The following FSTL4 variants were observed in gnomAD, a reference collection of about 807,000 sequenced individuals.
FSTL4 encodes the protein follistatin like 4, also known as follistatin-related protein 4.
FSTL4 carries 28 observed loss-of-function variants against 78.2 expected under a neutral mutation model. The ratio of observed to expected loss-of-function variants is 0.36; its 90% CI spans 0.27 to 0.49. FSTL4 has a LOEUF of 0.49. FSTL4 is among the 20% of genes least tolerant of loss of function. The pLI, the probability that FSTL4 is intolerant of heterozygous loss-of-function variation, is 0.98. For missense variants in FSTL4, 922 were observed against 1,084.9 expected (o/e 0.85, Z 2.11); for synonymous variants, 422 against 440.5 (o/e 0.96, Z 0.53).
At chr5:133,352,331 C>CATAT (rs143228488) in intron 4 of FSTL4, among the ~76,000 whole-genome samples, 10 of 100,722 alleles carry the variant, frequency 9.9e-5, no homozygotes, top group South Asian at 3.2e-4. Context: ...TATATACACA[C>CATAT]ATATATATAT....
At chr5:133,321,116 C>T (rs1408872975) in intron 4 of FSTL4, among the ~76,000 whole-genome samples, 1 of 152,106 alleles carries the variant, frequency 6.6e-6, no homozygotes, top group Non-Finnish European at 1.5e-5. Context: ...ACCTGCCCAG[C>T]AATTCCACAC....
At chr5:133,549,398 G>T (rs1759648450) in intron 3 of FSTL4, among the ~76,000 whole-genome samples, 1 of 151,966 alleles carries the variant, frequency 6.6e-6, no homozygotes, top group Non-Finnish European at 1.5e-5. Flanking sequence ...TTAATTTCTA[G>T]AAATTCTATT....
intron 3 of FSTL4, among the ~76,000 whole-genome samples, chr5:133,468,827 G>C (rs540917618): frequency 1.8e-4 from 28 of 152,146 alleles, no homozygotes; most frequent in Non-Finnish European, 3.1e-4. Context: ...GAAACAGACG[G>C]CTACCCAACC....
chr5:133,486,573 T>C (rs996444596), intron 3 of FSTL4, among the ~76,000 whole-genome samples: 3 of 152,182 alleles, frequency 2.0e-5, no homozygotes, highest in Non-Finnish European at 4.4e-5. Flanking sequence ...TGTTTCCCTA[T>C]GAAAAATCCA....
rs879413325 is a variant in FSTL4 at position 133,426,003 on chromosome 5, C to G, written c.161-25017G>C. ...AGTCTTCCTGTCTAAGTGCTGGGGA[C>G]CCCCCCTGAGCAAGACCCTTCTCTC... is the stretch of plus-strand genomic sequence containing the variant. On this transcript the variant is annotated intron_variant, in intron 3 of 15. Coordinates refer to ENST00000265342, the MANE Select transcript of FSTL4 (RefSeq NM_015082.2). The surrounding 1 kb of genome is among the most constrained non-coding windows in gnomAD (Gnocchi z 5.0). Among the ~76,000 whole-genome samples, 1 of 151,238 alleles carries G rather than the reference C, an allele frequency of 6.6e-6. No homozygotes were observed. Among genetic ancestry groups the G allele is most frequent in the Admixed American group, 6.6e-5 (1 of 15,252 alleles).
the FSTL4 span, among the ~76,000 whole-genome samples, chr5:133,724,974 C>T: frequency 6.6e-6 from 1 of 152,178 alleles, no homozygotes; most frequent in East Asian, 1.9e-4. Context: ...AAAAGACTAA[C>T]CTTTCTCCAT....
intron 4 of FSTL4, among the ~76,000 whole-genome samples, chr5:133,395,796 C>T (rs570435731): frequency 3.3e-5 from 5 of 152,176 alleles, no homozygotes; most frequent in Non-Finnish European, 7.3e-5. Context: ...CTTGAAGGTC[C>T]CCTCTCCTCC....
chr5:133,420,803 A>C (rs56382458), intron 3 of FSTL4, among the ~76,000 whole-genome samples: 37,948 of 152,218 alleles, frequency 0.25, 4,996 homozygotes, highest in Admixed American at 0.3. Context: ...AGGGTCCCAC[A>C]CTCAGAAGGG....
In FSTL4 at chr5:133,236,990, G is replaced by T. The variant is rs752716350; in HGVS notation, c.895-3453C>A. ...GCCTGTCACAGTCCTGGTGCACAGTGGGCCCTCAAAAAATAGCTGTCGAGG... is the reference window on the plus strand; with the variant it reads ...GCCTGTCACAGTCCTGGTGCACAGTTGGCCCTCAAAAAATAGCTGTCGAGG... On this transcript the variant is annotated intron_variant, in intron 7 of 15. Coordinates refer to ENST00000265342, the MANE Select transcript of FSTL4 (RefSeq NM_015082.2). This position sits in a 1 kb window ranked among gnomAD's most constrained non-coding sequence, Gnocchi z 5.0. 1.3e-5 allele frequency among the ~76,000 whole-genome samples: 2 copies of T among 152,206 alleles called. No individual in the cohort carries two copies. Among genetic ancestry groups the T allele is most frequent in the East Asian group, 1.9e-4 (1 of 5,194 alleles).
intron 4 of FSTL4, among the ~76,000 whole-genome samples, chr5:133,388,768 G>A (rs1355905151): frequency 9.9e-5 from 15 of 151,312 alleles, no homozygotes; most frequent in Non-Finnish European, 1.5e-5. Flanking sequence ...ATTGCTCTGA[G>A]GTCTTTAAGA....
the FSTL4 span, among the ~76,000 whole-genome samples, chr5:133,699,680 G>C: frequency 1.3e-5 from 2 of 152,062 alleles, no homozygotes; most frequent in Non-Finnish European, 2.9e-5. Context: ...AGGAGATCGA[G>C]ACCATCCTGT....
intron 3 of FSTL4, among the ~76,000 whole-genome samples, chr5:133,494,311 T>G (rs1445846901): frequency 1.3e-5 from 2 of 152,070 alleles, no homozygotes; most frequent in Admixed American, 6.5e-5. Flanking sequence ...ACTGGGGCCT[T>G]AACACTATGT....
At chr5:133,708,634 C>T in the FSTL4 span, among the ~76,000 whole-genome samples, 5 of 152,186 alleles carry the variant, frequency 3.3e-5, no homozygotes, top group African/African-American at 9.7e-5. Flanking sequence ...GTCACAACCC[C>T]GGCCATGTGT....
the FSTL4 span, among the ~76,000 whole-genome samples, chr5:133,818,952 C>T: frequency 0.018 from 223 of 12,482 alleles, 1 homozygote; most frequent in Middle Eastern, 0.05. Context: ...TATATGTACA[C>T]ACACACACAC....
chr5:133,600,106 T>G (rs1023312163), intron 2 of FSTL4, among the ~76,000 whole-genome samples: 1 of 152,230 alleles, frequency 6.6e-6, no homozygotes, highest in African/African-American at 2.4e-5. Context: ...AGTATGAAAA[T>G]GATACACATT....
chr5:133,550,529 T>C (rs974188305), intron 3 of FSTL4, among the ~76,000 whole-genome samples: 1 of 152,174 alleles, frequency 6.6e-6, no homozygotes, highest in Non-Finnish European at 1.5e-5. Context: ...TGATGGCTAA[T>C]ATAGAGCCTA....
the FSTL4 span, among the ~76,000 whole-genome samples, chr5:133,778,879 G>C: frequency 1.8e-3 from 277 of 152,342 alleles, no homozygotes; most frequent in African/African-American, 6.2e-3. Context: ...CCCAAGCTGG[G>C]CACAGCCTGG....
intron 6 of FSTL4, among the ~76,000 whole-genome samples, chr5:133,269,848 A>C (rs1400534405): frequency 6.6e-6 from 1 of 152,228 alleles, no homozygotes; most frequent in Non-Finnish European, 1.5e-5. Context: ...GGTTTGGTGA[A>C]CACTGTGCTT....
chr5:133,599,838 C>T (rs1054866834), intron 2 of FSTL4, among the ~76,000 whole-genome samples: 6 of 151,534 alleles, frequency 4.0e-5, no homozygotes, highest in Admixed American at 2.0e-4. Flanking sequence ...AGCACCCAGG[C>T]TGCAAAAGTG....
Sources: allele counts gnomAD v4.1 joint callset (sites outside exome capture counted in the v4.1 genomes callset), GRCh38; gene constraint gnomAD v4.1.1; non-coding constraint Gnocchi (gnomAD v3.1); transcripts MANE v1.5; gene names NCBI Gene and HGNC (gene_info 2026-07-23, HGNC 2026-07-21).